KCNH7: variants seen among roughly 807,000 people sequenced by gnomAD.
The protein encoded by KCNH7 is potassium voltage-gated channel subfamily H member 7.
KCNH7 carries 49 observed loss-of-function variants against 120.8 expected under a neutral mutation model. The observed-to-expected ratio is 0.41, with a 90% CI of 0.32 to 0.51. KCNH7 has a LOEUF of 0.51. Ranked by LOEUF, KCNH7 falls within the 20% of genes least tolerant of loss-of-function variation. The pLI, the probability that KCNH7 is intolerant of heterozygous loss-of-function variation, is 0.38. For synonymous variants in KCNH7, 547 were observed against 516.1 expected (o/e 1.06, Z -0.81); for missense variants, 1,097 against 1,446.6 (o/e 0.76, Z 3.92).
intron 2 of KCNH7, among the ~76,000 whole-genome samples, chr2:162,619,630 T>C (rs1245585515): frequency 2.6e-5 from 4 of 152,056 alleles, no homozygotes; most frequent in Non-Finnish European, 5.9e-5. Flanking sequence ...GAGACCCTTT[T>C]TATAAATAAG....
intron 2 of KCNH7, among the ~76,000 whole-genome samples, chr2:162,708,913 C>T (rs1291177462): frequency 6.6e-6 from 1 of 152,034 alleles, no homozygotes; most frequent in Non-Finnish European, 1.5e-5. Context: ...CTGGTACCAA[C>T]ACATAGTAGA....
chr2:162,507,749 C>A (rs1293006712), intron 5 of KCNH7, among the ~76,000 whole-genome samples: 2 of 151,466 alleles, frequency 1.3e-5, no homozygotes, highest in African/African-American at 4.8e-5. Context: ...TACCATACTT[C>A]CTTATTTTCT....
chr2:162,399,590 A>G (rs920555334), intron 10 of KCNH7, among the ~76,000 whole-genome samples: 1 of 151,856 alleles, frequency 6.6e-6, no homozygotes, highest in Admixed American at 6.6e-5. Flanking sequence ...AGGCAGATTA[A>G]ACATGTGTTT....
chr2:162,659,343 CT>C (rs35576044), intron 2 of KCNH7, among the ~76,000 whole-genome samples: 1,955 of 138,268 alleles, frequency 0.014, 26 homozygotes, highest in African/African-American at 0.042. Flanking sequence ...GCATATAATT[CT>C]TTTTTTTTTT....
intron 5 of KCNH7, among the ~76,000 whole-genome samples, chr2:162,505,310 C>A (rs1462856935): frequency 6.6e-6 from 1 of 151,800 alleles, no homozygotes; most frequent in Non-Finnish European, 1.5e-5. Context: ...ATTTTTAGAT[C>A]CTTTTTTTTC....
At chr2:162,587,779 T>C (rs1044047257) in intron 2 of KCNH7, among the ~76,000 whole-genome samples, 2 of 152,108 alleles carry the variant, frequency 1.3e-5, no homozygotes, top group Admixed American at 6.6e-5. Flanking sequence ...AAACATTTAC[T>C]TCTTACCACA....
chr2:162,505,320 C>G lies in KCNH7; in HGVS notation c.914-663G>C, dbSNP rs1057182990. ...GTGGGATTTTTAGATCCTTTTTTTT[C>G]TTTCACTTATGTTTAAGTCTTGACC... On this transcript the variant is annotated intron_variant, in intron 5 of 15. Transcript: ENST00000332142. Among the ~76,000 whole-genome samples the G allele has an allele frequency of 2.0e-5, 3 of 151,134 alleles. 1 individual carries two copies. Among genetic ancestry groups the G allele is most frequent in the Non-Finnish European group, 4.4e-5 (3 of 67,740 alleles).
intron 2 of KCNH7, among the ~76,000 whole-genome samples, chr2:162,699,920 A>C (rs542514440): frequency 6.6e-6 from 1 of 152,306 alleles, no homozygotes; most frequent in South Asian, 2.1e-4. Context: ...AATAAAGGAA[A>C]GCAAATAGCA....
At chr2:162,497,451 T>G (rs1444710537) in intron 6 of KCNH7, among the ~76,000 whole-genome samples, 1 of 152,112 alleles carries the variant, frequency 6.6e-6, no homozygotes, top group Non-Finnish European at 1.5e-5. Context: ...TCCATGGCAA[T>G]GATAGCTTTG....
intron 2 of KCNH7, among the ~76,000 whole-genome samples, chr2:162,670,862 T>A (rs1012674275): frequency 6.6e-6 from 1 of 151,666 alleles, no homozygotes; most frequent in Non-Finnish European, 1.5e-5. Flanking sequence ...TAAATTTAAC[T>A]TAAAGAAAAA....
chr2:162,828,360 C>T (rs1055501582), intron 2 of KCNH7, among the ~76,000 whole-genome samples: 1 of 152,032 alleles, frequency 6.6e-6, no homozygotes, highest in African/African-American at 2.4e-5. Flanking sequence ...TCATCATGCT[C>T]ATCATCTTAA....
intron 2 of KCNH7, among the ~76,000 whole-genome samples, chr2:162,763,728 AGTGTGTGTGTGTGTGTGT>A (rs72350942): frequency 8.6e-5 from 12 of 139,328 alleles, no homozygotes; most frequent in South Asian, 2.4e-4. Flanking sequence ...AGGCATTTGC[AGTGTGTGTGTGTGTGTGT>A]GTGTGTGTGT....
chr2:162,725,090 G>C (rs13388437), intron 2 of KCNH7, among the ~76,000 whole-genome samples: 10 of 151,890 alleles, frequency 6.6e-5, no homozygotes, highest in African/African-American at 2.4e-4. Context: ...TCAATTCAAT[G>C]GTGTTTAGAA....
chr2:162,541,464 G>A (rs1009517559), intron 2 of KCNH7, among the ~76,000 whole-genome samples: 6 of 151,994 alleles, frequency 3.9e-5, no homozygotes, highest in African/African-American at 1.4e-4. Context: ...GTGATAGACT[G>A]GATCAAGAAA....
intron 2 of KCNH7, among the ~76,000 whole-genome samples, chr2:162,709,851 A>C (rs1238447044): frequency 6.6e-6 from 1 of 152,162 alleles, no homozygotes; most frequent in Non-Finnish European, 1.5e-5. Context: ...TCAAACTTAT[A>C]ATCTGTACCC....
chr2:162,680,724 CG>C (rs1403332267), intron 2 of KCNH7, among the ~76,000 whole-genome samples: 2 of 151,654 alleles, frequency 1.3e-5, no homozygotes, highest in South Asian at 2.1e-4. Context: ...ATTGGCTGTG[CG>C]GGTGTCAGTT....
At chr2:162,516,014 T>C (rs1315836472) in intron 4 of KCNH7, among the ~76,000 whole-genome samples, 3 of 151,728 alleles carry the variant, frequency 2.0e-5, no homozygotes, top group Non-Finnish European at 2.9e-5. Context: ...AGATAACTCA[T>C]TATTTTCTGA....
At chr2:162,566,394 C>T (rs772232283) in intron 2 of KCNH7, among the ~76,000 whole-genome samples, 2 of 152,018 alleles carry the variant, frequency 1.3e-5, no homozygotes, top group African/African-American at 2.4e-5. Flanking sequence ...CCATGTACAG[C>T]TCATTTATTT....
chr2:162,752,095 A>G (rs185655771), intron 2 of KCNH7, among the ~76,000 whole-genome samples: 403 of 152,264 alleles, frequency 2.6e-3, no homozygotes, highest in Admixed American at 4.2e-3. Flanking sequence ...TTTCTCATCA[A>G]TGTTTAAATA....
Sources: allele counts gnomAD v4.1 joint callset (sites outside exome capture counted in the v4.1 genomes callset), GRCh38; gene constraint gnomAD v4.1.1; transcripts MANE v1.5; gene names NCBI Gene and HGNC (gene_info 2026-07-23, HGNC 2026-07-21).